CADM1: variants seen among roughly 807,000 people sequenced by gnomAD.
The protein encoded by CADM1 is cell adhesion molecule 1, also known as TSLC-1.
Under a neutral mutation model 53.1 loss-of-function variants are expected in CADM1, and 15 were observed. The ratio of observed to expected loss-of-function variants is 0.28; its 90% confidence interval spans 0.19 to 0.44. The LOEUF is 0.44. CADM1 is among the 20% of genes least tolerant of loss of function. The probability of loss-of-function intolerance (pLI) is 1.00; values close to 1 mark genes in which losing one functional copy is unlikely to be tolerated. For synonymous variants in CADM1, 281 were observed against 243.0 expected, an observed-to-expected ratio of 1.16 and a Z score of -1.45; for missense variants, 434 against 611.3, an observed-to-expected ratio of 0.71 and a Z score of 3.06.
chr11:115,237,097 T>G (rs575831270), intron 3 of CADM1, among the ~76,000 whole-genome samples: 1 of 152,290 alleles, frequency 6.6e-6, no homozygotes, highest in Non-Finnish European at 1.5e-5. Flanking sequence ...TCTATGCTGC[T>G]AATGACTTAC....
intron 1 of CADM1, among the ~76,000 whole-genome samples, chr11:115,300,058 A>T (rs1944178719): frequency 6.6e-6 from 1 of 152,178 alleles, no homozygotes; most frequent in African/African-American, 2.4e-5. Flanking sequence ...TAAATGTATT[A>T]TAAAAAGCAA....
intron 3 of CADM1, among the ~76,000 whole-genome samples, chr11:115,236,844 T>C (rs916067630): frequency 3.9e-5 from 6 of 152,208 alleles, no homozygotes; most frequent in African/African-American, 1.4e-4. Flanking sequence ...GTAAGATTTA[T>C]TCTGAATTCT....
At chr11:115,499,210 T>C (rs1949683054) in intron 1 of CADM1, among the ~76,000 whole-genome samples, 1 of 152,222 alleles carries the variant, frequency 6.6e-6, no homozygotes, top group Non-Finnish European at 1.5e-5. Context: ...ATTTCCTTTT[T>C]TCCTTAGTTA....
intron 1 of CADM1, among the ~76,000 whole-genome samples, chr11:115,420,015 G>T (rs1016161199): frequency 1.3e-5 from 2 of 152,160 alleles, no homozygotes; most frequent in African/African-American, 2.4e-5. Flanking sequence ...ACACATGTGA[G>T]ATTATTTCTC....
intron 1 of CADM1, among the ~76,000 whole-genome samples, chr11:115,421,682 G>A (rs777263007): frequency 2.6e-5 from 4 of 152,160 alleles, no homozygotes; most frequent in Non-Finnish European, 5.9e-5. Context: ...CTAGAAGGGT[G>A]GGGGAGAGAA....
At chr11:115,244,561 A>G (rs558054139) in intron 1 of CADM1, among the ~76,000 whole-genome samples, 1 of 152,266 alleles carries the variant, frequency 6.6e-6, no homozygotes, top group Non-Finnish European at 1.5e-5. Flanking sequence ...TTAGAGATGA[A>G]AAACCTGAGA....
intron 8 of CADM1, among the ~76,000 whole-genome samples, chr11:115,208,436 T>C (rs999117058): frequency 4.6e-5 from 7 of 152,140 alleles, no homozygotes; most frequent in African/African-American, 1.7e-4. Flanking sequence ...AAATTGGAAA[T>C]GTCTCTAGCA....
At chr11:115,220,234 T>C (rs1291134645) in intron 5 of CADM1, among the ~76,000 whole-genome samples, 1 of 152,088 alleles carries the variant, frequency 6.6e-6, no homozygotes, top group East Asian at 1.9e-4. Flanking sequence ...CACTAAGGAT[T>C]TTACATGCTC....
chr11:115,244,862 T>C (rs1942358038), intron 1 of CADM1, among the ~76,000 whole-genome samples: 1 of 152,218 alleles, frequency 6.6e-6, no homozygotes, highest in Non-Finnish European at 1.5e-5. Context: ...AAAGACCTTG[T>C]TTACTACTGC....
At chr11:115,361,684 C>T (rs1946032801) in intron 1 of CADM1, among the ~76,000 whole-genome samples, 1 of 152,080 alleles carries the variant, frequency 6.6e-6, no homozygotes, top group Non-Finnish European at 1.5e-5. Context: ...TACACCCGTG[C>T]ATGCCAAAAA....
intron 1 of CADM1, among the ~76,000 whole-genome samples, chr11:115,270,946 G>A (rs1163858890): frequency 2.0e-5 from 3 of 152,120 alleles, no homozygotes; most frequent in Admixed American, 6.5e-5. Flanking sequence ...TTCATTAGCA[G>A]TATGAAAAAC....
chr11:115,497,588 C>T (rs1433097511), intron 1 of CADM1, among the ~76,000 whole-genome samples: 1 of 152,238 alleles, frequency 6.6e-6, no homozygotes, highest in East Asian at 1.9e-4. Context: ...CCATTAACCA[C>T]AACAGCAGCT....
At chr11:115,225,651 G>T (rs1349732537) in intron 5 of CADM1, among the ~76,000 whole-genome samples, 3 of 152,156 alleles carry the variant, frequency 2.0e-5, no homozygotes, top group Non-Finnish European at 4.4e-5. Flanking sequence ...TGCAGCTCAA[G>T]CCTTGTCTTC....
chr11:115,450,747 A>G (rs924119754), intron 1 of CADM1, among the ~76,000 whole-genome samples: 1 of 152,244 alleles, frequency 6.6e-6, no homozygotes, highest in African/African-American at 2.4e-5. Flanking sequence ...GCCAGTGAGT[A>G]TTAACAGGAT....
chr11:115,400,302 CA>C (rs1320897344), intron 1 of CADM1, among the ~76,000 whole-genome samples: 1 of 151,662 alleles, frequency 6.6e-6, no homozygotes, highest in African/African-American at 2.4e-5. Flanking sequence ...ACAGCTTCTA[CA>C]AGTGAAAGAG....
chr11:115,301,810 C>T (rs554887886), intron 1 of CADM1, among the ~76,000 whole-genome samples: 1 of 152,074 alleles, frequency 6.6e-6, no homozygotes, highest in East Asian at 1.9e-4. Context: ...AGTACACACC[C>T]CATAACATTA....
Position 115,402,712 on chromosome 11 carries a change from T to C in CADM1, c.124+101559A>G, listed in dbSNP as rs76865059. Among the ~76,000 whole-genome samples, 900 of 152,022 alleles carry C rather than the reference T, an allele frequency of 5.9e-3. 6 individuals are homozygous for C. The highest frequency in any genetic ancestry group is 0.034 in the Middle Eastern group (10 of 294). ...AATAAGAGACATAACATTTTTTTTT[T>C]CACTGATCAGATTGGCAAAACTCCA... On this transcript the variant is annotated intron_variant, in intron 1 of 11. Coordinates refer to ENST00000331581, the MANE Select transcript of CADM1 (RefSeq NM_001301043.2).
chr11:115,465,621 A>C (rs963943484), intron 1 of CADM1, among the ~76,000 whole-genome samples: 1 of 152,206 alleles, frequency 6.6e-6, no homozygotes, highest in African/African-American at 2.4e-5. Context: ...CATTTTACAG[A>C]CAAGAAAACG....
chr11:115,306,072 C>CCACACACACATACACACACA (rs1944361822), intron 1 of CADM1, among the ~76,000 whole-genome samples: 1 of 130,390 alleles, frequency 7.7e-6, no homozygotes, highest in Admixed American at 8.2e-5. Context: ...AGGATATATA[C>CCACACACACATACACACACA]CACACACACA....
Sources: gnomAD v4.1 joint callset for allele counts (sites outside exome capture counted in the v4.1 genomes callset) on GRCh38, gnomAD v4.1.1 for gene constraint, MANE v1.5 for transcripts, NCBI Gene and HGNC (gene_info 2026-07-23, HGNC 2026-07-21) for gene names.